The following FBXO31 variants were observed in gnomAD, a reference collection of about 807,000 sequenced individuals.
The protein encoded by FBXO31 is F-box only protein 31.
FBXO31 carries 24 observed loss-of-function variants against 54.4 expected under a neutral mutation model. That is an observed-to-expected ratio of 0.44 (90% CI 0.32 to 0.62). The LOEUF (loss-of-function observed/expected upper bound fraction) is 0.62. Among genes scored for constraint, FBXO31 ranks in the 20% least tolerant of loss-of-function variants. The pLI is 0.05. For synonymous variants in FBXO31, 388 were observed against 335.6 expected, an observed-to-expected ratio of 1.16 and a Z score of -1.71; for missense variants, 665 against 787.1, an observed-to-expected ratio of 0.84 and a Z score of 1.86.
At chr16:87,341,050 T>C (rs957829838) in intron 5 of FBXO31, among the ~76,000 whole-genome samples, 1 of 151,714 alleles carries the variant, frequency 6.6e-6, no homozygotes, top group Non-Finnish European at 1.5e-5. Flanking sequence ...CCCAAGACAC[T>C]AGGCTGGTCT....
chr16:87,368,951 C>T (rs935212828), intron 1 of FBXO31, among the ~76,000 whole-genome samples: 4 of 152,124 alleles, frequency 2.6e-5, no homozygotes, highest in African/African-American at 9.7e-5. Context: ...ACGTGCCCGC[C>T]ACCACACCTG....
At chr16:87,364,086 A>G (rs1906251983) in intron 1 of FBXO31, among the ~76,000 whole-genome samples, 1 of 152,144 alleles carries the variant, frequency 6.6e-6, no homozygotes, top group African/African-American at 2.4e-5. Flanking sequence ...TTATAATCTT[A>G]TTTTGGTTAT....
At position 87,335,246 on chromosome 16, in the gene FBXO31, C is replaced by G; in HGVS notation, c.996+58G>C. The G allele has an allele frequency of 6.2e-7, 1 of 1,605,000 alleles. No homozygotes were observed. The highest frequency in any genetic ancestry group is 2.2e-5 in the East Asian group (1 of 44,854). The stretch of plus-strand genomic sequence containing the variant: ...TGTCTGCCCAAGTTCCCTGACTCCA[C>G]AGCCCACTTGGGCCAGGTGCCCCCA... On this transcript the variant is annotated intron_variant, in intron 7 of 8. Coordinates refer to ENST00000311635, the MANE Select transcript of FBXO31 (RefSeq NM_024735.5). The surrounding 1 kb of genome is among the most constrained non-coding windows in gnomAD (Gnocchi z 5.7).
In FBXO31 at chr16:87,353,448, G is replaced by A. The variant is rs184805753; in HGVS notation, c.413-6198C>T. Among the ~76,000 whole-genome samples, 4 of 152,350 alleles carry A rather than the reference G, an allele frequency of 2.6e-5. No individual in the cohort carries two copies. In the East Asian group the frequency reaches 5.8e-4, roughly 22 times the overall value. ...GAAGTAATCAAGATGTAATGTAGCC[G>A]TGAGCACGTTAGGGTAAACGAATGC... On this transcript the variant is annotated intron_variant, in intron 2 of 8. Transcript: ENST00000311635.
intron 5 of FBXO31, among the ~76,000 whole-genome samples, chr16:87,341,847 T>C (rs749648095): frequency 1.3e-5 from 2 of 152,146 alleles, no homozygotes; most frequent in Non-Finnish European, 2.9e-5. Context: ...AACAGGACAT[T>C]TGGTTCATCT....
chr16:87,390,566 G>C (rs1040240488), upstream of FBXO31, among the ~76,000 whole-genome samples: 10 of 150,284 alleles, frequency 6.7e-5, no homozygotes, highest in Non-Finnish European at 1.5e-4. Context: ...TCAGCCTCCC[G>C]AGTAGCTGGG....
In FBXO31 at chr16:87,338,475, C is replaced by T. The variant is rs542827527; in HGVS notation, c.733-2211G>A. Among the ~76,000 whole-genome samples, 753 of 107,014 alleles carry T rather than the reference C, an allele frequency of 7.0e-3. 8 individuals are homozygous for T. Among genetic ancestry groups the T allele is most frequent in the African/African-American group, 0.026 (713 of 26,970 alleles). The allele number at this position is 107,014 out of a possible 152,430, so 70.2% of individuals were successfully genotyped here. A position where few individuals can be genotyped will look rare whatever the true frequency, so the allele number is the denominator to read the frequency against. On this transcript the variant is annotated intron_variant, in intron 5 of 8. Transcript: ENST00000311635. This position sits in a 1 kb window ranked among gnomAD's most constrained non-coding sequence, Gnocchi z 4.3. ...AGCCTCAGTCTTGGGGCGGGGGAGGCGGGCCTGAAACACACAGGGGTGGGA... is the reference window on the plus strand; with the variant it reads ...AGCCTCAGTCTTGGGGCGGGGGAGGTGGGCCTGAAACACACAGGGGTGGGA...
intron 1 of FBXO31, 145 bp from the exon 2 acceptor site, chr16:87,360,511 C>T (rs1906087168): frequency 3.0e-6 from 2 of 667,212 alleles, no homozygotes; most frequent in Admixed American, 4.5e-5. Flanking sequence ...GGAGATTTCA[C>T]TGACTTCTCC....
chr16:87,364,522 G>C (rs1052748249), intron 1 of FBXO31, among the ~76,000 whole-genome samples: 1 of 152,164 alleles, frequency 6.6e-6, no homozygotes, highest in African/African-American at 2.4e-5. Flanking sequence ...AGAATGCTCA[G>C]GCCAAATACC....
intron 1 of FBXO31, among the ~76,000 whole-genome samples, chr16:87,375,082 G>GC (rs1906764073): frequency 6.6e-6 from 1 of 152,182 alleles, no homozygotes; most frequent in South Asian, 2.1e-4. Context: ...ACTTTGGGAG[G>GC]CCGAGGCAGG....
intron 1 of FBXO31, among the ~76,000 whole-genome samples, chr16:87,365,037 A>ATATATATATATATATCTATC (rs1489132121): frequency 9.4e-6 from 1 of 106,890 alleles, no homozygotes; most frequent in Non-Finnish European, 2.0e-5. Flanking sequence ...ATATATATAT[A>ATATATATATATATATCTATC]TATCAGGCAG....
In FBXO31 at chr16:87,335,157, T is replaced by A. The variant is rs1905004849; in HGVS notation, c.996+147A>T. ...GGCTGGCTGGGGCCCGAGAATCTGC[T>A]TTCCCAAGCTCCCGGGGCTGCAGGT... On this transcript the variant is annotated intron_variant, in intron 7 of 8. Coordinates refer to ENST00000311635, the MANE Select transcript of FBXO31 (RefSeq NM_024735.5). This position sits in a 1 kb window ranked among gnomAD's most constrained non-coding sequence, Gnocchi z 5.7. The A allele has an allele frequency of 2.6e-6, 3 of 1,163,002 alleles. No homozygotes were observed. In the Admixed American group the frequency reaches 5.8e-5, roughly 23 times the overall value. The allele number at this position is 1,163,002 out of a possible 1,614,324, so 72.0% of individuals were successfully genotyped here. A position where few individuals can be genotyped will look rare whatever the true frequency, so the allele number is the denominator to read the frequency against.
intron 8 of FBXO31, among the ~76,000 whole-genome samples, chr16:87,332,584 C>T (rs897724500): frequency 1.3e-5 from 2 of 152,040 alleles, no homozygotes; most frequent in African/African-American, 4.8e-5. Flanking sequence ...CCCCCAGTCA[C>T]CGTTATCATA....
At chr16:87,384,559 C>A (rs1164278242), upstream of FBXO31, among the ~76,000 whole-genome samples, 1 of 152,202 alleles carries the variant, frequency 6.6e-6, no homozygotes, top group African/African-American at 2.4e-5. Context: ...GGCCGCTGAG[C>A]GGGGTCGTCT....
At chr16:87,384,158 G>A (rs1419143401), upstream of FBXO31, 1 of 153,318 alleles carries the variant, frequency 6.5e-6, no homozygotes, top group Non-Finnish European at 1.5e-5. Context: ...GCGCCCGTGC[G>A]TCCCGCTTCC....
At chr16:87,337,997 T>A (rs1340425294) in intron 5 of FBXO31, among the ~76,000 whole-genome samples, 1 of 152,134 alleles carries the variant, frequency 6.6e-6, no homozygotes, top group African/African-American at 2.4e-5. Context: ...GCTCTTTAAA[T>A]AACAGATAGA....
intron 1 of FBXO31, among the ~76,000 whole-genome samples, chr16:87,382,303 G>GT (rs984478538): frequency 2.6e-5 from 4 of 152,180 alleles, no homozygotes; most frequent in African/African-American, 9.7e-5. Context: ...CGACTCAGAG[G>GT]TTTTTTAAAA....
At chr16:87,356,578 A>G (rs1905900993) in intron 2 of FBXO31, among the ~76,000 whole-genome samples, 1 of 152,164 alleles carries the variant, frequency 6.6e-6, no homozygotes, top group South Asian at 2.1e-4. Context: ...GGGTTCAGAC[A>G]CCACCCTGAA....
At chr16:87,381,393 C>A (rs1028246969) in intron 1 of FBXO31, among the ~76,000 whole-genome samples, 1 of 152,190 alleles carries the variant, frequency 6.6e-6, no homozygotes, top group African/African-American at 2.4e-5. Context: ...GAGAGGGCTT[C>A]ACAGGCATCA....
Sources: gnomAD v4.1 joint callset for allele counts (sites outside exome capture counted in the v4.1 genomes callset) on GRCh38, gnomAD v4.1.1 for gene constraint, Gnocchi (gnomAD v3.1) non-coding constraint, MANE v1.5 for transcripts, NCBI Gene and HGNC (gene_info 2026-07-23, HGNC 2026-07-21) for gene names.